The following LAP3 variants were observed in gnomAD, a reference collection of about 807,000 sequenced individuals.
The protein encoded by LAP3 is cytosol aminopeptidase.
In LAP3, 46 loss-of-function variants were observed where a neutral mutation model predicts 58.8. That is an observed-to-expected ratio of 0.78 (90% CI 0.62 to 1.00). The LOEUF is 1.00. Among genes scored for constraint, LAP3 ranks in the 50% least tolerant of loss-of-function variants. LAP3 has a pLI of 0.00. For synonymous variants in LAP3, 257 were observed against 237.7 expected (o/e 1.08, Z -0.75); for missense variants, 615 against 659.1 (o/e 0.93, Z 0.73).
intron 10 of LAP3, among the ~76,000 whole-genome samples, chr4:17,599,705 CTTTT>C (rs1265919721): frequency 7.3e-6 from 1 of 136,754 alleles, no homozygotes; most frequent in Non-Finnish European, 1.6e-5. Flanking sequence ...CAGAGCTTTA[CTTTT>C]TTTTTTTTTT....
Position 17,596,039 on chromosome 4 carries a change from G to A in LAP3, c.988+505G>A, listed in dbSNP as rs559489563. Among the ~76,000 whole-genome samples the A allele has an allele frequency of 5.9e-5, 9 of 152,190 alleles. No individual in the cohort carries two copies. The South Asian group carries it at 1.7e-3, about 28-fold the overall frequency. The stretch of plus-strand genomic sequence containing the variant: ...TGCTCATACTCATTTCAGAGGAGAC[G>A]GGGAAGGAGGAGAGAGTCTTAGGTT... On this transcript the variant is annotated intron_variant, in intron 8 of 12. Transcript: ENST00000226299.
chr4:17,578,543 A>G (rs1186631063), intron 1 of LAP3, among the ~76,000 whole-genome samples: 1 of 22,956 alleles, frequency 4.4e-5, no homozygotes, highest in Non-Finnish European at 1.1e-4. Flanking sequence ...ACTCAGTCCT[A>G]CCACACCACA....
In LAP3 at chr4:17,598,567, G is replaced by A. The variant is rs368600822; in HGVS notation, c.1180+9G>A. On this transcript the variant is annotated intron_variant, in intron 10 of 12. Coordinates refer to ENST00000226299, the MANE Select transcript of LAP3 (RefSeq NM_015907.3). ...TGCCGCCACCTTAACAGGTCAGACC[G>A]CGCACTTGCCTTGATTTTGTTTGAA... is the stretch of plus-strand genomic sequence containing the variant. 4.5e-5 allele frequency: 71 copies of A among 1,584,988 alleles called. No individual in the cohort carries two copies. The highest frequency in any genetic ancestry group is 1.3e-4 in the African/African-American group (10 of 74,116).
At position 17,607,809 on chromosome 4, in the gene LAP3, C is replaced by A; in HGVS notation, c.*220C>A. ...ACTTGATAAGGATTTTTAAGATACTCTATAAATGATTAAAATTTTTAGAAC... is the reference window on the plus strand; with the variant it reads ...ACTTGATAAGGATTTTTAAGATACTATATAAATGATTAAAATTTTTAGAAC... On this transcript the variant is annotated 3_prime_UTR_variant, in exon 13 of 13. Transcript: ENST00000226299. 2.6e-6 allele frequency: 1 copy of A among 383,836 alleles called. No individual in the cohort carries two copies. Among genetic ancestry groups the A allele is most frequent in the Non-Finnish European group, 4.6e-6 (1 of 216,552 alleles). The allele number at this position is 383,836 out of a possible 1,614,324, so 23.8% of individuals were successfully genotyped here.
intron 7 of LAP3, among the ~76,000 whole-genome samples, chr4:17,593,215 T>A (rs1209807320): frequency 6.6e-6 from 1 of 152,256 alleles, no homozygotes; most frequent in Non-Finnish European, 1.5e-5. Flanking sequence ...TAAGGTTTTT[T>A]AAAAATATAT....
chr4:17,585,039 A>T lies in LAP3; in HGVS notation c.607A>T (p.Met203Leu), dbSNP rs1233912511. The T allele has an allele frequency of 6.2e-7, 1 of 1,614,126 alleles. No individual in the cohort carries two copies. The highest frequency in any genetic ancestry group is 1.7e-5 in the Admixed American group (1 of 60,016). Reference sequence around the variant, plus strand: ...TGGGCAGAACTTGGCACGCCAATTGATGGAGACGCCAGCCAATGAGATGAC... The same window carrying T: ...TGGGCAGAACTTGGCACGCCAATTGTTGGAGACGCCAGCCAATGAGATGAC... ...ASGQNLARQL[M>L]ETPANEMTPT... The change falls in exon 6 of 13, where the codon ATG becomes TTG. Residue 203 changes from methionine to leucine, a missense_variant. Transcript: ENST00000226299.
chr4:17,607,137 G>T (rs78353796), intron 12 of LAP3, among the ~76,000 whole-genome samples, 199 bp downstream of exon 12: 2 of 152,042 alleles, frequency 1.3e-5, no homozygotes, highest in African/African-American at 2.4e-5. Flanking sequence ...TAATCTAATG[G>T]TAATTTTCAA....
chr4:17,577,827 G>T (rs1468817521), intron 1 of LAP3, among the ~76,000 whole-genome samples: 1 of 152,234 alleles, frequency 6.6e-6, no homozygotes, highest in Non-Finnish European at 1.5e-5. Context: ...ACTCGGCCGC[G>T]CACTTGCTCC....
At chr4:17,584,176 T>A (rs1479854476) in intron 5 of LAP3, among the ~76,000 whole-genome samples, 1 of 151,556 alleles carries the variant, frequency 6.6e-6, no homozygotes, top group Non-Finnish European at 1.5e-5. Context: ...TGGGGGAGAG[T>A]GCGGGCTCTG....
At chr4:17,584,528 G>C (rs1410282914) in intron 5 of LAP3, among the ~76,000 whole-genome samples, 10 of 152,212 alleles carry the variant, frequency 6.6e-5, no homozygotes, top group Non-Finnish European at 1.2e-4. Context: ...AAAGCAAAAA[G>C]GTCTTCAGTT....
In LAP3 at chr4:17,577,376, C is replaced by T; in HGVS notation, c.-90C>T. 2 of 997,386 alleles carry T rather than the reference C, an allele frequency of 2.0e-6. No homozygotes were observed. Among genetic ancestry groups the T allele is most frequent in the East Asian group, 6.4e-5 (2 of 31,248 alleles). 61.8% of individuals were successfully genotyped at this position (997,386 alleles called of 1,614,324 possible). A position where few individuals can be genotyped will look rare whatever the true frequency, so the allele number is the denominator to read the frequency against. Reference sequence around the variant, plus strand: ...CCGAGCCAGTCCGCGCGCACGCCGTCTGCGCCCCGAAAGCCCCGCCCCAAG... The same window carrying T: ...CCGAGCCAGTCCGCGCGCACGCCGTTTGCGCCCCGAAAGCCCCGCCCCAAG... On this transcript the variant is annotated 5_prime_UTR_variant, in exon 1 of 13. Transcript: ENST00000226299.
rs189804951 is a variant in LAP3 at position 17,592,876 on chromosome 4, T to C, written c.864-2534T>C. On this transcript the variant is annotated intron_variant, in intron 7 of 12. Coordinates refer to ENST00000226299, the MANE Select transcript of LAP3 (RefSeq NM_015907.3). ...CAGGCTGGAGTGCACCTCGGCTCACTGCACCTCCGCCTTCTGGGTTCAAGC... is the reference window on the plus strand; with the variant it reads ...CAGGCTGGAGTGCACCTCGGCTCACCGCACCTCCGCCTTCTGGGTTCAAGC... Among the ~76,000 whole-genome samples the C allele has an allele frequency of 3.9e-4, 60 of 152,358 alleles. No individual in the cohort carries two copies. The East Asian group carries it at 8.7e-3, about 22-fold the overall frequency.
chr4:17,591,549 G>A (rs1713690086), intron 7 of LAP3, among the ~76,000 whole-genome samples: 1 of 152,214 alleles, frequency 6.6e-6, no homozygotes, highest in Admixed American at 6.5e-5. Flanking sequence ...TAAAAACAAA[G>A]AGGCCTAAAC....
chr4:17,588,046 A>G (rs1391990876), intron 6 of LAP3, among the ~76,000 whole-genome samples: 1 of 151,816 alleles, frequency 6.6e-6, no homozygotes, highest in Non-Finnish European at 1.5e-5. Flanking sequence ...TATTTTTTTA[A>G]GAGACAGGGT....
At position 17,596,690 on chromosome 4, in the gene LAP3, G is replaced by A. The variant is rs75856439; in HGVS notation, c.989-356G>A. On this transcript the variant is annotated intron_variant, in intron 8 of 12. Coordinates refer to ENST00000226299, the MANE Select transcript of LAP3 (RefSeq NM_015907.3). The stretch of plus-strand genomic sequence containing the variant: ...TAATCAAGGACCACACATTGCTGTT[G>A]GTGCCCCTTTAGATTTCTTGATTCT... Among the ~76,000 whole-genome samples, 114 of 152,238 alleles carry A rather than the reference G, an allele frequency of 7.5e-4. 2 individuals are homozygous for A. The East Asian group carries it at 0.019, about 26-fold the overall frequency.
At chr4:17,585,348 C>A in intron 6 of LAP3, 6 of 464,924 alleles carry the variant, frequency 1.3e-5, no homozygotes, top group Non-Finnish European at 2.4e-5. Flanking sequence ...CCATGATATA[C>A]TATGTATGTG....
At chr4:17,591,184 C>T (rs184133238) in intron 7 of LAP3, among the ~76,000 whole-genome samples, 1 of 152,064 alleles carries the variant, frequency 6.6e-6, no homozygotes, top group South Asian at 2.1e-4. Context: ...TCAAGTGATT[C>T]TCCTGCCTGA....
chr4:17,582,054 G>T (rs768154189), intron 3 of LAP3: 1 of 590,478 alleles, frequency 1.7e-6, no homozygotes, highest in Non-Finnish European at 3.0e-6. Flanking sequence ...AGAATTATTT[G>T]CAAGAGTATC....
chr4:17,585,435 ATTT>A (rs201860192), intron 6 of LAP3: 340 of 148,938 alleles, frequency 2.3e-3, no homozygotes, highest in South Asian at 9.0e-3. Context: ...CAATTCAGTG[ATTT>A]TTTTTTTTTT....
Sources: allele counts gnomAD v4.1 joint callset (sites outside exome capture counted in the v4.1 genomes callset), GRCh38; gene constraint gnomAD v4.1.1; transcripts MANE v1.5; gene names NCBI Gene and HGNC (gene_info 2026-07-23, HGNC 2026-07-21).